The following LUZP2 variants were observed in gnomAD, a reference collection of about 807,000 sequenced individuals.
LUZP2 encodes leucine zipper protein 2.
In LUZP2, 52 loss-of-function variants were observed where a neutral mutation model predicts 51.6. That is an observed-to-expected ratio of 1.01 (90% confidence interval 0.81 to 1.27). The LOEUF is 1.27. Ranked by LOEUF, LUZP2 falls within the 50% of genes most tolerant of loss-of-function variation. The pLI is 0.00. For synonymous variants in LUZP2, 154 were observed against 137.3 expected, an observed-to-expected ratio of 1.12 and a Z score of -0.85; for missense variants, 436 against 395.4, an observed-to-expected ratio of 1.10 and a Z score of -0.87.
intron 7 of LUZP2, among the ~76,000 whole-genome samples, chr11:24,915,488 C>T (rs993147866): frequency 1.3e-5 from 2 of 151,980 alleles, no homozygotes; most frequent in Non-Finnish European, 2.9e-5. Flanking sequence ...GAGAGTTTTT[C>T]GAGAAGATTC....
At chr11:24,855,381 A>G (rs1851528082) in intron 5 of LUZP2, among the ~76,000 whole-genome samples, 1 of 152,174 alleles carries the variant, frequency 6.6e-6, no homozygotes, top group African/African-American at 2.4e-5. Context: ...TATAATACCT[A>G]CAAAAAATAT....
intron 1 of LUZP2, among the ~76,000 whole-genome samples, chr11:24,622,324 T>G (rs1854525371): frequency 6.6e-6 from 1 of 151,132 alleles, no homozygotes; most frequent in Non-Finnish European, 1.5e-5. Flanking sequence ...TTCCGCTTCC[T>G]GTGTCCATGT....
chr11:24,995,927 T>A (rs1386853379), intron 9 of LUZP2, among the ~76,000 whole-genome samples: 1 of 151,834 alleles, frequency 6.6e-6, no homozygotes, highest in Non-Finnish European at 1.5e-5. Context: ...CCCAATCTTT[T>A]TTTTCTACAT....
At chr11:24,563,547 A>G (rs1020002481) in intron 1 of LUZP2, among the ~76,000 whole-genome samples, 1 of 152,184 alleles carries the variant, frequency 6.6e-6, no homozygotes, top group Non-Finnish European at 1.5e-5. Flanking sequence ...CGATTCTATC[A>G]AATTTCGTAT....
chr11:24,779,403 T>C (rs768882650), intron 5 of LUZP2, among the ~76,000 whole-genome samples: 3 of 152,174 alleles, frequency 2.0e-5, no homozygotes, highest in Non-Finnish European at 4.4e-5. Flanking sequence ...CTTTTCATCA[T>C]ACATGTCACA....
At chr11:24,678,037 A>C (rs1230303134) in intron 1 of LUZP2, among the ~76,000 whole-genome samples, 1 of 141,988 alleles carries the variant, frequency 7.0e-6, no homozygotes, top group Non-Finnish European at 1.5e-5. Flanking sequence ...ACTCCGTCAA[A>C]AAAAAGAAAG....
At chr11:24,814,763 C>A (rs569490960) in intron 5 of LUZP2, among the ~76,000 whole-genome samples, 1 of 152,042 alleles carries the variant, frequency 6.6e-6, no homozygotes, top group East Asian at 1.9e-4. Context: ...GAGGCCAAGG[C>A]GGGTGGATCA....
chr11:24,768,167 T>A (rs1334539006), intron 5 of LUZP2, among the ~76,000 whole-genome samples: 1 of 152,110 alleles, frequency 6.6e-6, no homozygotes, highest in Non-Finnish European at 1.5e-5. Context: ...AGGGTCTCAC[T>A]CTGTCGCCCT....
chr11:25,043,354 C>T (rs1858136561), intron 9 of LUZP2, among the ~76,000 whole-genome samples: 1 of 151,762 alleles, frequency 6.6e-6, no homozygotes, highest in African/African-American at 2.4e-5. Context: ...TTTTTTAATC[C>T]ACACCTCCCT....
At chr11:24,936,140 C>A (rs887629909) in intron 7 of LUZP2, among the ~76,000 whole-genome samples, 3 of 152,070 alleles carry the variant, frequency 2.0e-5, no homozygotes, top group South Asian at 2.1e-4. Flanking sequence ...ACAATAGACA[C>A]AGTTCAGAAC....
intron 9 of LUZP2, among the ~76,000 whole-genome samples, chr11:24,984,914 C>T (rs980837556): frequency 4.0e-5 from 6 of 151,456 alleles, no homozygotes; most frequent in African/African-American, 1.5e-4. Context: ...TTGAATGTTA[C>T]CTCTGCCTAT....
At chr11:24,965,158 A>G (rs924210639) in intron 7 of LUZP2, among the ~76,000 whole-genome samples, 2 of 151,052 alleles carry the variant, frequency 1.3e-5, no homozygotes, top group Non-Finnish European at 3.0e-5. Flanking sequence ...CTAATTTCTA[A>G]TAATAAAGAG....
rs563869462 is a variant in LUZP2, at chr11:24,601,471, T to C, written c.62+104166T>C. On this transcript the variant is annotated intron_variant, in intron 1 of 11. Transcript: ENST00000336930. ...ATAGAATAAAGATGATAGTTCTGAT[T>C]CTCTTTATTGGTTTCTTTTTACTTT... Among the ~76,000 whole-genome samples, 3 of 152,006 alleles carry C rather than the reference T, an allele frequency of 2.0e-5. No individual in the cohort carries two copies. In the South Asian group the frequency reaches 6.2e-4, roughly 31 times the overall value.
intron 1 of LUZP2, among the ~76,000 whole-genome samples, chr11:24,507,789 A>G (rs1306744173): frequency 2.0e-5 from 3 of 152,046 alleles, no homozygotes; most frequent in African/African-American, 7.2e-5. Flanking sequence ...GGTAAAAATT[A>G]AAGTTTTGAT....
At chr11:24,937,845 G>A (rs917395275) in intron 7 of LUZP2, among the ~76,000 whole-genome samples, 14 of 151,136 alleles carry the variant, frequency 9.3e-5, no homozygotes, top group African/African-American at 3.4e-4. Flanking sequence ...AGCTGGCAGT[G>A]AGCCGAGATC....
chr11:24,815,003 A>T (rs941093796), intron 5 of LUZP2, among the ~76,000 whole-genome samples: 1 of 145,802 alleles, frequency 6.9e-6, no homozygotes, highest in African/African-American at 2.6e-5. Flanking sequence ...AAAAAAAAAA[A>T]AAATAAAAAT....
rs976258470 is a variant in LUZP2, at chr11:24,680,828, C to T, written c.63-48341C>T. On this transcript the variant is annotated intron_variant, in intron 1 of 11. Transcript: ENST00000336930. ...ATGCAATTAACTTGCTCAAGGTCAA[C>T]GGATAATCTACCTGACTTCAAAGTC... Among the ~76,000 whole-genome samples, 3 of 152,248 alleles carry T rather than the reference C, an allele frequency of 2.0e-5. No individual in the cohort carries two copies. In the South Asian group the frequency reaches 6.2e-4, roughly 32 times the overall value.
At chr11:24,631,571 A>T (rs759596336) in intron 1 of LUZP2, among the ~76,000 whole-genome samples, 1 of 151,688 alleles carries the variant, frequency 6.6e-6, no homozygotes, top group Non-Finnish European at 1.5e-5. Flanking sequence ...TTGTAGTGTT[A>T]CATTTTTGAT....
At chr11:24,931,733 G>T (rs1036337574) in intron 7 of LUZP2, among the ~76,000 whole-genome samples, 1 of 152,092 alleles carries the variant, frequency 6.6e-6, no homozygotes. Context: ...TCTTTTTCTG[G>T]CAATTCAGAG....
Sources: allele counts gnomAD v4.1 joint callset (sites outside exome capture counted in the v4.1 genomes callset), GRCh38; gene constraint gnomAD v4.1.1; transcripts MANE v1.5; gene names NCBI Gene and HGNC (gene_info 2026-07-23, HGNC 2026-07-21).